USP9X: variants seen among roughly 807,000 people sequenced by gnomAD.
The protein encoded by USP9X is ubiquitin carboxyl-terminal hydrolase 9X.
USP9X carries 7 observed loss-of-function variants against 190.3 expected under a neutral mutation model. That is an observed-to-expected ratio of 0.04 (90% CI 0.02 to 0.07). The LOEUF (loss-of-function observed/expected upper bound fraction) is 0.07. Among genes scored for constraint, USP9X ranks in the 10% least tolerant of loss-of-function variants. The pLI, the probability that USP9X is intolerant of heterozygous loss-of-function variation, is 1.00. For synonymous variants in USP9X, 645 were observed against 659.5 expected (o/e 0.98, Z 0.34); for missense variants, 1,010 against 1,916.9 (o/e 0.53, Z 8.83).
intron 1 of USP9X, among the ~76,000 whole-genome samples, chrX:41,105,956 A>G (rs1226613829): frequency 3.6e-5 from 4 of 111,323 alleles, no homozygotes; most frequent in African/African-American, 1.3e-4. Context: ...TCCTTTGCCC[A>G]TTTTTCAATT....
chrX:41,232,017 A>G (rs1177745983), intron 44 of USP9X, among the ~76,000 whole-genome samples: 1 of 111,745 alleles, frequency 8.9e-6, no homozygotes, highest in Admixed American at 9.6e-5. Context: ...AGCATGTGGA[A>G]GAGTCAATAG....
intron 27 of USP9X, 82 bp downstream of exon 27, chrX:41,196,441 A>C: frequency 1.8e-6 from 2 of 1,113,866 alleles, no homozygotes. Context: ...TTTAGCTTGC[A>C]TTAAAGTTAG....
intron 26 of USP9X, among the ~76,000 whole-genome samples, chrX:41,195,323 C>T (rs1411267533): frequency 9.0e-6 from 1 of 111,478 alleles, no homozygotes; most frequent in African/African-American, 3.3e-5. Flanking sequence ...GTGTGAGCCA[C>T]CGCACCCAGC....
At chrX:41,222,917 AAG>A in intron 38 of USP9X, among the ~76,000 whole-genome samples, 1 of 111,675 alleles carries the variant, frequency 9.0e-6, no homozygotes, top group Middle Eastern at 4.6e-3. Flanking sequence ...TCAAAAAAGA[AAG>A]AAAGTGTTCA....
rs1340120351 is a variant in USP9X at position 41,085,501 on chromosome X, C to G, written c.-767C>G. 1.9e-5 allele frequency: 3 copies of G among 155,912 alleles called. No individual in the cohort carries two copies. Among genetic ancestry groups the G allele is most frequent in the African/African-American group, 6.4e-5 (2 of 31,373 alleles). 12.8% of individuals were successfully genotyped at this position (155,912 alleles called of 1,213,427 possible). Reference sequence around the variant, plus strand: ...GGCATCCGCGGCTGCGGACGCTAGTCTCCGCCGCCGCCGGAGCCGCAACCT... The same window carrying G: ...GGCATCCGCGGCTGCGGACGCTAGTGTCCGCCGCCGCCGGAGCCGCAACCT... On this transcript the variant is annotated 5_prime_UTR_variant, in exon 1 of 45. Coordinates refer to ENST00000378308, the MANE Select transcript of USP9X (RefSeq NM_001039591.3).
intron 14 of USP9X, among the ~76,000 whole-genome samples, chrX:41,156,297 A>G (rs1313572732): frequency 9.0e-6 from 1 of 111,318 alleles, no homozygotes; most frequent in African/African-American, 3.3e-5. Flanking sequence ...TGGAAACTCT[A>G]CTCCAGGCAG....
chrX:41,133,525 T>G (rs2062342815), intron 4 of USP9X, among the ~76,000 whole-genome samples: 1 of 112,004 alleles, frequency 8.9e-6, no homozygotes, highest in Non-Finnish European at 1.9e-5. Flanking sequence ...CTTAGTTATT[T>G]TAAAATGTAC....
At chrX:41,224,044 T>G (rs1041997217) in intron 39 of USP9X, among the ~76,000 whole-genome samples, 1 of 109,238 alleles carries the variant, frequency 9.2e-6, no homozygotes, top group African/African-American at 3.3e-5. Flanking sequence ...TACTAAAAAT[T>G]AACAACAAAA....
intron 1 of USP9X, among the ~76,000 whole-genome samples, chrX:41,122,609 A>T (rs1192204742): frequency 8.9e-6 from 1 of 111,795 alleles, no homozygotes; most frequent in Non-Finnish European, 1.9e-5. Flanking sequence ...GAGTGTTACA[A>T]TGCTCCTTTA....
intron 6 of USP9X, 95 bp downstream of exon 6, chrX:41,137,117 A>G: frequency 2.4e-6 from 2 of 832,339 alleles, no homozygotes; most frequent in Non-Finnish European, 3.4e-6. Flanking sequence ...TGACAATGAA[A>G]TAACACTTTA....
chrX:41,088,644 G>T (rs1396958183), intron 1 of USP9X, among the ~76,000 whole-genome samples: 1 of 111,743 alleles, frequency 8.9e-6, no homozygotes, highest in Non-Finnish European at 1.9e-5. Flanking sequence ...AAGGTGAGGG[G>T]GGTCTTATCC....
At chrX:41,199,263 C>G (rs2063018694) in intron 30 of USP9X, among the ~76,000 whole-genome samples, 2 of 112,179 alleles carry the variant, frequency 1.8e-5, no homozygotes, top group South Asian at 7.4e-4. Flanking sequence ...GAAAAAAATT[C>G]AAACATTTGT....
At chrX:41,161,485 G>A (rs901913855) in intron 14 of USP9X, among the ~76,000 whole-genome samples, 4 of 104,370 alleles carry the variant, frequency 3.8e-5, no homozygotes, top group Non-Finnish European at 7.8e-5. Flanking sequence ...GATTACAGGC[G>A]CCTGCCACCA....
At position 41,162,753 on chromosome X, in the gene USP9X, C is replaced by T. The variant is rs1256205994; in HGVS notation, c.1898-37C>T. The stretch of plus-strand genomic sequence containing the variant: ...AAGTCAAAGCAGTGATTTGGGTTAT[C>T]CATGTGTATAATGCATGGTTTTTTC... On this transcript the variant is annotated intron_variant, in intron 14 of 44. Coordinates refer to ENST00000378308, the MANE Select transcript of USP9X (RefSeq NM_001039591.3). 3 of 1,107,768 alleles carry T rather than the reference C, an allele frequency of 2.7e-6. No homozygotes were observed. In the South Asian group the frequency reaches 6.5e-5, roughly 24 times the overall value. The allele number at this position is 1,107,768 out of a possible 1,213,427, so 91.3% of individuals were successfully genotyped here.
At chrX:41,201,557 A>G (rs1000351541) in intron 31 of USP9X, among the ~76,000 whole-genome samples, 1 of 111,149 alleles carries the variant, frequency 9.0e-6, no homozygotes, top group Non-Finnish European at 1.9e-5. Context: ...AAAAAGAAAA[A>G]GTAAGTAGGG....
chrX:41,100,061 C>T lies in USP9X; in HGVS notation c.-159+13952C>T, dbSNP rs190842393. ...ACCCCCTTCCATTTTGATGCAAAAC[C>T]CAGACAGCATTTCATCTTACATATT... On this transcript the variant is annotated intron_variant, in intron 1 of 44. Transcript: ENST00000378308. Among the ~76,000 whole-genome samples, 80 of 112,062 alleles carry T rather than the reference C, an allele frequency of 7.1e-4. 1 individual carries two copies. In the South Asian group the frequency reaches 0.029, roughly 40 times the overall value.
chrX:41,220,146 T>C (rs1489982670), intron 38 of USP9X, among the ~76,000 whole-genome samples: 2 of 112,331 alleles, frequency 1.8e-5, no homozygotes, highest in Non-Finnish European at 3.8e-5. Context: ...TCTATTTAGT[T>C]TGTCTTCTTT....
At chrX:41,152,069 T>C (rs2062532640) in intron 13 of USP9X, among the ~76,000 whole-genome samples, 1 of 112,457 alleles carries the variant, frequency 8.9e-6, no homozygotes, top group Non-Finnish European at 1.9e-5. Context: ...TAGATTACTA[T>C]GATTATACCT....
At chrX:41,166,666 A>G (rs1437348464) in intron 16 of USP9X, among the ~76,000 whole-genome samples, 1 of 111,739 alleles carries the variant, frequency 8.9e-6, no homozygotes, top group Non-Finnish European at 1.9e-5. Context: ...TACCTGGGGG[A>G]ATAAAATACT....
Sources: allele counts gnomAD v4.1 joint callset (sites outside exome capture counted in the v4.1 genomes callset), GRCh38; gene constraint gnomAD v4.1.1; transcripts MANE v1.5; gene names NCBI Gene and HGNC (gene_info 2026-07-23, HGNC 2026-07-21).